UCK2: variants seen among roughly 807,000 people sequenced by gnomAD.
The protein encoded by UCK2 is uridine-cytidine kinase 2, also known as cytidine monophosphokinase 2.
A neutral mutation model predicts 30.8 loss-of-function variants in UCK2; 6 were observed. That is an observed-to-expected ratio of 0.19 (90% CI 0.11 to 0.38). The LOEUF (loss-of-function observed/expected upper bound fraction) is 0.38. Ranked by LOEUF, UCK2 falls within the 10% of genes least tolerant of loss-of-function variation. UCK2 has a pLI of 1.00. For missense variants in UCK2, 210 were observed against 339.8 expected (o/e 0.62, Z 3.00); for synonymous variants, 125 against 133.6 (o/e 0.94, Z 0.45).
intron 6 of UCK2, among the ~76,000 whole-genome samples, chr1:165,906,696 T>A (rs1459897053): frequency 2.0e-5 from 3 of 152,238 alleles, no homozygotes; most frequent in Non-Finnish European, 4.4e-5. Context: ...TTTTGGCCTG[T>A]CTAGGAAGTA....
rs74867176 is a variant in UCK2 at position 165,877,468 on chromosome 1, C to T, written c.100-12736C>T. 9.5e-4 allele frequency among the ~76,000 whole-genome samples: 145 copies of T among 152,324 alleles called. 1 individual carries two copies. In the East Asian group the frequency reaches 0.022, roughly 23 times the overall value. ...CCCCTCCACTGCTCCCTGTCCCTAA[C>T]CGTGGTCCACCACTAATCGTTCCAC... On this transcript the variant is annotated intron_variant, in intron 1 of 6. Coordinates refer to ENST00000367879, the MANE Select transcript of UCK2 (RefSeq NM_012474.5).
chr1:165,854,890 C>G (rs1654691659), intron 1 of UCK2, among the ~76,000 whole-genome samples: 1 of 152,140 alleles, frequency 6.6e-6, no homozygotes, highest in Admixed American at 6.5e-5. Flanking sequence ...TCGTACAGAA[C>G]CCTACTGTAG....
chr1:165,852,485 CAG>C (rs1654622544), intron 1 of UCK2, among the ~76,000 whole-genome samples: 1 of 152,204 alleles, frequency 6.6e-6, no homozygotes, highest in Admixed American at 6.5e-5. Flanking sequence ...CACTGATCAT[CAG>C]AGAAACGCAA....
chr1:165,895,482 A>T, intron 3 of UCK2: 1 of 984,836 alleles, frequency 1.0e-6, no homozygotes, highest in Non-Finnish European at 1.2e-6. Flanking sequence ...CTACCCAACC[A>T]TGTGGGTTGG....
intron 5 of UCK2, 34 bp from the exon 6 acceptor site, chr1:165,905,887 T>C: frequency 6.2e-7 from 1 of 1,607,106 alleles, no homozygotes; most frequent in Non-Finnish European, 8.5e-7. Context: ...GTCTCTTAAC[T>C]GTATTAATGC....
At position 165,896,313 on chromosome 1, in the gene UCK2, C is replaced by T; in HGVS notation, c.480C>T (p.Asp160=). 3 of 1,614,154 alleles carry T rather than the reference C, an allele frequency of 1.9e-6. No homozygotes were observed. Among genetic ancestry groups the T allele is most frequent in the Non-Finnish European group, 2.5e-6 (3 of 1,180,032 alleles). ...QMKLFVDTDA[D]TRLSRRVLRD... Reference sequence around the variant, plus strand: ...AGCTTTTTGTGGATACAGATGCGGACACCCGGCTCTCACGCAGAGGTGCGT... The same window carrying T: ...AGCTTTTTGTGGATACAGATGCGGATACCCGGCTCTCACGCAGAGGTGCGT... The change falls in exon 4 of 7, where the codon GAC becomes GAT. Residue 160 remains aspartate (D), a synonymous_variant. Transcript: ENST00000367879.
chr1:165,854,199 G>C (rs1008411620), intron 1 of UCK2, among the ~76,000 whole-genome samples: 4 of 152,196 alleles, frequency 2.6e-5, no homozygotes, highest in African/African-American at 4.8e-5. Flanking sequence ...GCACCTCAGA[G>C]CACAGTGGCA....
chr1:165,874,012 C>G (rs780658410), intron 1 of UCK2, among the ~76,000 whole-genome samples: 1 of 152,232 alleles, frequency 6.6e-6, no homozygotes, highest in Non-Finnish European at 1.5e-5. Context: ...GCCATTGTCT[C>G]CCTCTACCTT....
chr1:165,827,738 G>C lies in UCK2; in HGVS notation c.-96G>C. On this transcript the variant is annotated 5_prime_UTR_variant, in exon 1 of 7. Coordinates refer to ENST00000367879, the MANE Select transcript of UCK2 (RefSeq NM_012474.5). ...GCGGCCTCAGCCCCGGCAGCGCCCA[G>C]CGGCGGCTGCGGAAAGCGGAGGGAG... is the stretch of plus-strand genomic sequence containing the variant. 2 of 1,131,866 alleles carry C rather than the reference G, an allele frequency of 1.8e-6. No homozygotes were observed. Among genetic ancestry groups the C allele is most frequent in the Non-Finnish European group, 2.3e-6 (2 of 881,210 alleles). The allele number at this position is 1,131,866 out of a possible 1,614,324, so 70.1% of individuals were successfully genotyped here.
intron 3 of UCK2, chr1:165,895,713 C>A: frequency 1.1e-6 from 1 of 930,610 alleles, no homozygotes; most frequent in African/African-American, 1.8e-5. Context: ...TTTCCTCCCT[C>A]CTTTCAATTG....
At chr1:165,829,878 A>G (rs1165761651) in intron 1 of UCK2, among the ~76,000 whole-genome samples, 2 of 152,232 alleles carry the variant, frequency 1.3e-5, no homozygotes, top group African/African-American at 2.4e-5. Flanking sequence ...TTTTTGAGAC[A>G]AGGTCTCGCA....
chr1:165,893,399 C>CTAGACCCA (rs1331813885), intron 3 of UCK2, among the ~76,000 whole-genome samples: 3 of 152,204 alleles, frequency 2.0e-5, no homozygotes, highest in Non-Finnish European at 4.4e-5. Context: ...ACTGATCACC[C>CTAGACCCA]TAGACCCATA....
chr1:165,827,956 C>T (rs1653931845), intron 1 of UCK2, 24 bp downstream of exon 1: 3 of 1,315,626 alleles, frequency 2.3e-6, no homozygotes, highest in Non-Finnish European at 2.9e-6. Flanking sequence ...CGGAGCCGCG[C>T]TCCCTTCCCG....
chr1:165,902,190 C>G (rs561228537), intron 4 of UCK2, among the ~76,000 whole-genome samples: 3 of 151,942 alleles, frequency 2.0e-5, no homozygotes, highest in Admixed American at 6.6e-5. Context: ...GAGCTGAGAT[C>G]GCGCCACTGC....
At chr1:165,853,789 C>G (rs1654659329) in intron 1 of UCK2, among the ~76,000 whole-genome samples, 1 of 152,124 alleles carries the variant, frequency 6.6e-6, no homozygotes, top group Non-Finnish European at 1.5e-5. Context: ...AATTCTATCT[C>G]CCTTCTTGAG....
chr1:165,831,179 A>C (rs1244277883), intron 1 of UCK2, among the ~76,000 whole-genome samples: 1 of 152,036 alleles, frequency 6.6e-6, no homozygotes, highest in Non-Finnish European at 1.5e-5. Context: ...TGGGAGGCCA[A>C]GGAAGGAGGA....
intron 1 of UCK2, among the ~76,000 whole-genome samples, chr1:165,861,748 G>A (rs1654914938): frequency 6.6e-6 from 1 of 150,468 alleles, no homozygotes; most frequent in South Asian, 2.1e-4. Flanking sequence ...TTTTACAGAT[G>A]AAGGAACTCA....
chr1:165,846,865 A>C (rs1165406419), intron 1 of UCK2, among the ~76,000 whole-genome samples: 2 of 152,216 alleles, frequency 1.3e-5, no homozygotes, highest in Non-Finnish European at 2.9e-5. Flanking sequence ...AGTGAAGAAC[A>C]GGGGTTTGCA....
At chr1:165,870,178 AAAGT>A (rs1166034086) in intron 1 of UCK2, among the ~76,000 whole-genome samples, 31 of 145,448 alleles carry the variant, frequency 2.1e-4, no homozygotes, top group South Asian at 4.3e-4. Context: ...TGTATGGTGT[AAAGT>A]AAGGAAAGGT....
Sources: allele counts gnomAD v4.1 joint callset (sites outside exome capture counted in the v4.1 genomes callset), GRCh38; gene constraint gnomAD v4.1.1; transcripts MANE v1.5; gene names NCBI Gene and HGNC (gene_info 2026-07-23, HGNC 2026-07-21).